The following EPB41L1 variants were observed in gnomAD, a reference collection of about 807,000 sequenced individuals.
The protein encoded by EPB41L1 is erythrocyte membrane protein band 4.1 like 1.
Under a neutral mutation model 97.8 loss-of-function variants are expected in EPB41L1, and 29 were observed. The observed-to-expected ratio is 0.30, with a 90% CI of 0.22 to 0.40. The LOEUF (loss-of-function observed/expected upper bound fraction) is 0.40, where lower values mean the gene tolerates loss of function less well. Ranked by LOEUF, EPB41L1 falls within the 10% of genes least tolerant of loss-of-function variation. The pLI is 1.00. For missense variants in EPB41L1, 812 were observed against 1,162.3 expected (o/e 0.70, Z 4.38); for synonymous variants, 383 against 459.2 (o/e 0.83, Z 2.12).
intron 2 of EPB41L1, among the ~76,000 whole-genome samples, chr20:36,121,115 C>T (rs578003632): frequency 2.0e-5 from 3 of 151,102 alleles, no homozygotes; most frequent in South Asian, 4.2e-4. Context: ...AGCTAGATTT[C>T]CTTTCTACCA....
At chr20:36,187,247 G>A (rs751196002) in intron 7 of EPB41L1, among the ~76,000 whole-genome samples, 1 of 152,192 alleles carries the variant, frequency 6.6e-6, no homozygotes, top group Non-Finnish European at 1.5e-5. Context: ...CCTTAGGAGA[G>A]ATTAAGTGGC....
chr20:36,204,249 C>A (rs2062665164), intron 14 of EPB41L1, among the ~76,000 whole-genome samples: 1 of 152,160 alleles, frequency 6.6e-6, no homozygotes, highest in Admixed American at 6.5e-5. Context: ...AGGCCGCCCA[C>A]ACCCCCAACT....
At chr20:36,216,508 A>G (rs759527134) in intron 17 of EPB41L1, among the ~76,000 whole-genome samples, 1 of 152,190 alleles carries the variant, frequency 6.6e-6, no homozygotes, top group Non-Finnish European at 1.5e-5. Context: ...TAAATTTTTT[A>G]CATTAGGGAC....
chr20:36,093,782 C>G lies in EPB41L1; in HGVS notation c.-65+2170C>G, dbSNP rs1324938224. On this transcript the variant is annotated intron_variant, in intron 1 of 19. Coordinates refer to the EPB41L1 transcript ENST00000202028. This position sits in a 1 kb window ranked among gnomAD's most constrained non-coding sequence, Gnocchi z 5.4. ...GGTGGTAGCAACAGCAGTTTCCAGG[C>G]TGGTGACCAGCCGGTTCAGGGATTC... 6.6e-6 allele frequency among the ~76,000 whole-genome samples: 1 copy of G among 152,058 alleles called. No homozygotes were observed. The highest frequency in any genetic ancestry group is 1.5e-5 in the Non-Finnish European group (1 of 67,988).
intron 3 of EPB41L1, 130 bp from the exon 4 acceptor site, chr20:36,177,822 G>C: frequency 1.3e-6 from 1 of 749,836 alleles, no homozygotes; most frequent in Non-Finnish European, 2.4e-6. Context: ...GGTGGCAGGA[G>C]CGCTGCATTC....
Position 36,221,896 on chromosome 20 carries a change from C to G in EPB41L1, c.2472C>G (p.Ile824Met). Residue 824 changes from isoleucine (I) to methionine (M), a missense_variant, in exon 20 of 22, where the codon ATC becomes ATG. Around this residue, in one of 3 missense-constraint regions of EPB41L1, gnomAD observed 498 missense variants for 622.7 expected, o/e 0.80. Coordinates refer to ENST00000338074, the MANE Select transcript of EPB41L1 (RefSeq NM_012156.2). ...TVKGGFSETR[I>M]EKRIIITGDE... is the part of the protein sequence containing the mutation. ...AAGGAGGGTTTTCTGAGACAAGGAT[C>G]GAGAAGCGAATCATCATTACTGGGG... is the stretch of plus-strand genomic sequence containing the variant. The G allele has an allele frequency of 6.2e-7, 1 of 1,614,112 alleles. No homozygotes were observed. Among genetic ancestry groups the G allele is most frequent in the Non-Finnish European group, 8.5e-7 (1 of 1,180,024 alleles).
chr20:36,122,130 C>G (rs1405680043), intron 2 of EPB41L1, among the ~76,000 whole-genome samples: 38 of 152,250 alleles, frequency 2.5e-4, no homozygotes, highest in Admixed American at 2.5e-3. Flanking sequence ...TGGAGAGTGG[C>G]CACATTTTAT....
At chr20:36,133,917 T>A (rs1297554805) in intron 2 of EPB41L1, among the ~76,000 whole-genome samples, 1 of 152,002 alleles carries the variant, frequency 6.6e-6, no homozygotes, top group African/African-American at 2.4e-5. Context: ...ACCTTGTACC[T>A]GATTCTTCAT....
intron 1 of EPB41L1, among the ~76,000 whole-genome samples, chr20:36,105,513 T>A (rs1352341452): frequency 6.6e-6 from 1 of 152,152 alleles, no homozygotes; most frequent in Non-Finnish European, 1.5e-5. Flanking sequence ...CCCCCTTAAT[T>A]TGTTGATGAA....
intron 5 of EPB41L1, among the ~76,000 whole-genome samples, chr20:36,179,734 C>T (rs575622984): frequency 1.3e-5 from 2 of 152,346 alleles, no homozygotes; most frequent in African/African-American, 4.8e-5. Flanking sequence ...GTAGCTGAGC[C>T]TGTTACCATG....
Position 36,154,982 on chromosome 20 carries a change from G to A in EPB41L1, c.-15+86G>A, listed in dbSNP as rs1404820611. On this transcript the variant is annotated intron_variant, in intron 1 of 21. Coordinates refer to ENST00000338074, the MANE Select transcript of EPB41L1 (RefSeq NM_012156.2). This position sits in a 1 kb window ranked among gnomAD's most constrained non-coding sequence, Gnocchi z 5.5. ...GCCTCCAGCCCTGGGGAGGAACGGG[G>A]GCGAGGCCGAGAACTGAGTTTTCAG... 4.4e-6 allele frequency: 5 copies of A among 1,134,290 alleles called. No homozygotes were observed. The African/African-American group carries it at 6.5e-5, about 15-fold the overall frequency. 70.3% of individuals were successfully genotyped at this position (1,134,290 alleles called of 1,614,324 possible).
Position 36,202,281 on chromosome 20 carries a change from G to A in EPB41L1, c.1668+4240G>A, listed in dbSNP as rs191244697. On this transcript the variant is annotated intron_variant, in intron 14 of 21. Coordinates refer to ENST00000338074, the MANE Select transcript of EPB41L1 (RefSeq NM_012156.2). ...CCTTGGCGGCAGCCCATTAACTATT[G>A]GGAAGTTTTCGTGTTGAATTGAAAT... Among the ~76,000 whole-genome samples, 447 of 152,310 alleles carry A rather than the reference G, an allele frequency of 2.9e-3. 6 individuals are homozygous for A. The highest frequency in any genetic ancestry group is 0.01 in the African/African-American group (428 of 41,578).
In EPB41L1 at chr20:36,206,837, G is replaced by A. The variant is rs1282737002; in HGVS notation, c.1669-2651G>A. Reference sequence around the variant, plus strand: ...ACCCCCGTGAGTGGAGATTTGCTGGGAAAGGCTGAGGAAAGTCCCACAGAG... The same window carrying A: ...ACCCCCGTGAGTGGAGATTTGCTGGAAAAGGCTGAGGAAAGTCCCACAGAG... On this transcript the variant is annotated intron_variant, in intron 14 of 21. Coordinates refer to ENST00000338074, the MANE Select transcript of EPB41L1 (RefSeq NM_012156.2). The surrounding 1 kb of genome is among the most constrained non-coding windows in gnomAD (Gnocchi z 5.5). The A allele has an allele frequency of 3.9e-6, 5 of 1,289,894 alleles. No individual in the cohort carries two copies. The highest frequency in any genetic ancestry group is 5.6e-5 in the East Asian group (1 of 18,010). The allele number at this position is 1,289,894 out of a possible 1,614,324, so 79.9% of individuals were successfully genotyped here. A position where few individuals can be genotyped will look rare whatever the true frequency, so the allele number is the denominator to read the frequency against.
intron 1 of EPB41L1, among the ~76,000 whole-genome samples, chr20:36,108,684 A>G (rs961773439): frequency 6.6e-5 from 10 of 152,160 alleles, no homozygotes; most frequent in Non-Finnish European, 1.2e-4. Flanking sequence ...AAAAAATAAA[A>G]TAAAATAAAA....
At chr20:36,175,018 C>T (rs1026938045) in intron 2 of EPB41L1, among the ~76,000 whole-genome samples, 2 of 152,168 alleles carry the variant, frequency 1.3e-5, no homozygotes, top group East Asian at 1.9e-4. Flanking sequence ...TAACACCTTC[C>T]TTAATTCACG....
At chr20:36,129,324 T>A (rs1490980557) in intron 2 of EPB41L1, among the ~76,000 whole-genome samples, 1 of 151,952 alleles carries the variant, frequency 6.6e-6, no homozygotes, top group Non-Finnish European at 1.5e-5. Context: ...GCGGGGTGAA[T>A]GGCCACGGGT....
At chr20:36,153,099 G>A (rs2060122592), upstream of EPB41L1, 1 of 456,752 alleles carries the variant, frequency 2.2e-6, no homozygotes, top group Non-Finnish European at 4.4e-6. Flanking sequence ...GATGAAGGAG[G>A]TTTAAGTTGG....
chr20:36,107,211 C>CTTTTTTTTTTTTT (rs397864874), intron 1 of EPB41L1, among the ~76,000 whole-genome samples: 1 of 114,228 alleles, frequency 8.8e-6, no homozygotes, highest in African/African-American at 3.9e-5. Flanking sequence ...GAGAATATAC[C>CTTTTTTTTTTTTT]TTTTTTTTTT....
At position 36,194,223 on chromosome 20, in the gene EPB41L1, C is replaced by T. The variant is rs766032605; in HGVS notation, c.1312C>T (p.Arg438Cys). The change falls in exon 12 of 22, where the codon CGC (arginine) becomes TGC (cysteine). Residue 438 changes from arginine to cysteine, a missense_variant. Physicochemically the swap from Arg to Cys is radical, Grantham distance 180. Coordinates refer to ENST00000338074, the MANE Select transcript of EPB41L1 (RefSeq NM_012156.2). Reference sequence around the variant, plus strand: ...TCCACCCACTTCAGCAGAGTTCTCCCGCCCAGCCTCGGTCAGCGAGAACCA... The same window carrying T: ...TCCACCCACTTCAGCAGAGTTCTCCTGCCCAGCCTCGGTCAGCGAGAACCA... Reference protein sequence around the residue: ...SRSLDGAEFSRPASVSENHDA... With the variant: ...SRSLDGAEFSCPASVSENHDA... The T allele has an allele frequency of 4.6e-5, 74 of 1,613,708 alleles. 1 individual carries two copies. In the South Asian group the frequency reaches 5.9e-4, roughly 13 times the overall value.
Sources: gnomAD v4.1 joint callset for allele counts (sites outside exome capture counted in the v4.1 genomes callset) on GRCh38, gnomAD v4.1.1 for gene constraint, gnomAD v4.1.1 regional missense constraint, Gnocchi (gnomAD v3.1) non-coding constraint, MANE v1.5 for transcripts, NCBI Gene and HGNC (gene_info 2026-07-23, HGNC 2026-07-21) for gene names.